CNTLN: variants seen among roughly 807,000 people sequenced by gnomAD.
The protein encoded by CNTLN is centlein.
In CNTLN, 212 loss-of-function variants were observed where a neutral mutation model predicts 180.0. The ratio of observed to expected loss-of-function variants is 1.18; its 90% CI spans 1.05 to 1.32. CNTLN has a LOEUF of 1.32. Among genes scored for constraint, CNTLN ranks in the 40% most tolerant of loss-of-function variants. The pLI, the probability that CNTLN is intolerant of heterozygous loss-of-function variation, is 0.00. For missense variants in CNTLN, 2,095 were observed against 1,610.9 expected (o/e 1.30, Z -5.14); for synonymous variants, 722 against 563.1 (o/e 1.28, Z -3.99).
At chr9:17,179,735 G>A (rs1587027836) in intron 2 of CNTLN, among the ~76,000 whole-genome samples, 1 of 152,234 alleles carries the variant, frequency 6.6e-6, no homozygotes, top group African/African-American at 2.4e-5. Context: ...TCACTGGCTA[G>A]TTCTATACAT....
intron 2 of CNTLN, among the ~76,000 whole-genome samples, chr9:17,162,371 C>T (rs550868553): frequency 1.1e-3 from 161 of 152,330 alleles, no homozygotes; most frequent in Non-Finnish European, 1.7e-3. Context: ...GCCTCGGCCT[C>T]CCAAAGTGCT....
chr9:17,473,877 A>C (rs1832175974), intron 23 of CNTLN, among the ~76,000 whole-genome samples: 1 of 152,156 alleles, frequency 6.6e-6, no homozygotes, highest in African/African-American at 2.4e-5. Context: ...AACCCTTGGG[A>C]GCATTTGATA....
intron 12 of CNTLN, among the ~76,000 whole-genome samples, chr9:17,359,033 T>C (rs1167405157): frequency 6.9e-6 from 1 of 144,622 alleles, no homozygotes; most frequent in Non-Finnish European, 1.5e-5. Flanking sequence ...CTCCCCTCTC[T>C]TTTTGAAATA....
intron 5 of CNTLN, among the ~76,000 whole-genome samples, chr9:17,249,187 C>CT (rs1306692420): frequency 1.3e-5 from 2 of 152,016 alleles, no homozygotes; most frequent in Non-Finnish European, 2.9e-5. Flanking sequence ...TGAGATACAT[C>CT]TTTTTAAAAT....
At chr9:17,469,205 C>A (rs1831919753) in intron 23 of CNTLN, among the ~76,000 whole-genome samples, 1 of 151,752 alleles carries the variant, frequency 6.6e-6, no homozygotes, top group South Asian at 2.1e-4. Context: ...TTTAGAAGCA[C>A]TTCCTTACAT....
chr9:17,407,727 T>G (rs995302490), intron 15 of CNTLN, among the ~76,000 whole-genome samples: 3 of 152,214 alleles, frequency 2.0e-5, no homozygotes, highest in Non-Finnish European at 4.4e-5. Flanking sequence ...ACTTTTAGTC[T>G]GCATCTACCA....
intron 23 of CNTLN, among the ~76,000 whole-genome samples, chr9:17,476,155 A>G (rs111814883): frequency 6.6e-6 from 1 of 151,720 alleles, no homozygotes; most frequent in African/African-American, 2.4e-5. Flanking sequence ...TTAATCTTTG[A>G]TGTTATTATT....
chr9:17,478,471 C>G (rs956925999), intron 23 of CNTLN, among the ~76,000 whole-genome samples: 1 of 151,732 alleles, frequency 6.6e-6, no homozygotes, highest in African/African-American at 2.4e-5. Context: ...CTAAAAAAAT[C>G]ATTGTCCAGA....
At chr9:17,391,305 G>A (rs927531534) in intron 14 of CNTLN, among the ~76,000 whole-genome samples, 4 of 152,160 alleles carry the variant, frequency 2.6e-5, no homozygotes, top group Admixed American at 1.3e-4. Flanking sequence ...TGAGAAGGGA[G>A]AAAGTGACCT....
At chr9:17,220,581 T>A (rs570998139) in intron 2 of CNTLN, among the ~76,000 whole-genome samples, 21 of 152,236 alleles carry the variant, frequency 1.4e-4, no homozygotes, top group Non-Finnish European at 2.6e-4. Context: ...ATCTTCTACC[T>A]CCTCCCACCC....
At position 17,372,672 on chromosome 9, in the gene CNTLN, A is replaced by G. The variant is rs542365934; in HGVS notation, c.1987+5955A>G. Among the ~76,000 whole-genome samples the G allele has an allele frequency of 1.6e-3, 243 of 152,302 alleles. 2 individuals carry two copies. Among genetic ancestry groups the G allele is most frequent in the Admixed American group, 3.3e-3 (51 of 15,298 alleles). On this transcript the variant is annotated intron_variant, in intron 13 of 25. Transcript: ENST00000380647. ...ACCAAAACCAGACAAAGACACATCA[A>G]AAAAAGGAAACTATAGTTCAATATC...
intron 8 of CNTLN, among the ~76,000 whole-genome samples, chr9:17,328,186 A>G (rs910235631): frequency 1.3e-5 from 2 of 152,148 alleles, no homozygotes; most frequent in Admixed American, 6.5e-5. Context: ...TTTCCATTTT[A>G]GCCTTCAGCA....
chr9:17,273,473 A>G lies in CNTLN; in HGVS notation c.850-260A>G, dbSNP rs146523337. On this transcript the variant is annotated intron_variant, in intron 5 of 25. Coordinates refer to ENST00000380647, the MANE Select transcript of CNTLN (RefSeq NM_017738.4). ...TATTGTACAATAATTTAATAACTAC[A>G]TTTTTTATACATATCTTCTAGTTTA... Among the ~76,000 whole-genome samples, 764 of 152,216 alleles carry G rather than the reference A, an allele frequency of 5.0e-3. 4 individuals are homozygous for G. The highest frequency in any genetic ancestry group is 0.017 in the African/African-American group (710 of 41,570).
chr9:17,143,471 A>C, intron 2 of CNTLN, 95 bp downstream of exon 2: 1 of 865,970 alleles, frequency 1.2e-6, no homozygotes, highest in Non-Finnish European at 1.8e-6. Context: ...TCTCCTAAAG[A>C]GATTCATTTA....
At chr9:17,237,563 G>C (rs1825235229) in intron 5 of CNTLN, among the ~76,000 whole-genome samples, 1 of 151,912 alleles carries the variant, frequency 6.6e-6, no homozygotes, top group Non-Finnish European at 1.5e-5. Flanking sequence ...TGTTTACATT[G>C]TATTCAGTAT....
At position 17,455,944 on chromosome 9, in the gene CNTLN, A is replaced by G. The variant is rs1831088069; in HGVS notation, c.3115-1580A>G. 5.9e-5 allele frequency among the ~76,000 whole-genome samples: 9 copies of G among 152,176 alleles called. No homozygotes were observed. In the South Asian group the frequency reaches 1.9e-3, roughly 32 times the overall value. On this transcript the variant is annotated intron_variant, in intron 18 of 25. Transcript: ENST00000380647. ...TTCTGTTGGAATGAAGAACCTATGA[A>G]GGGCTTTGATTAAGGGAATAACTGG...
intron 16 of CNTLN, among the ~76,000 whole-genome samples, chr9:17,410,718 T>C (rs1449856002): frequency 6.6e-6 from 1 of 152,192 alleles, no homozygotes; most frequent in Non-Finnish European, 1.5e-5. Context: ...CTAGCATTGA[T>C]TTTTTCATGT....
At chr9:17,451,813 C>G (rs1295239762) in intron 18 of CNTLN, among the ~76,000 whole-genome samples, 2 of 152,084 alleles carry the variant, frequency 1.3e-5, no homozygotes, top group Admixed American at 6.5e-5. Flanking sequence ...AGAATATTTC[C>G]AAATTTTTTA....
chr9:17,489,952 A>G (rs12353274), intron 25 of CNTLN, among the ~76,000 whole-genome samples: 5,646 of 152,270 alleles, frequency 0.037, 158 homozygotes, highest in Non-Finnish European at 0.052. Flanking sequence ...TTTAATCTGT[A>G]TAAATCTCTC....
Sources: allele counts gnomAD v4.1 joint callset (sites outside exome capture counted in the v4.1 genomes callset), GRCh38; gene constraint gnomAD v4.1.1; transcripts MANE v1.5; gene names NCBI Gene and HGNC (gene_info 2026-07-23, HGNC 2026-07-21).